Variants in NCAM2 observed in about 807,000 individuals in gnomAD.
NCAM2 encodes the protein N-CAM-2.
Under a neutral mutation model 98.1 loss-of-function variants are expected in NCAM2, and 30 were observed. The ratio of observed to expected loss-of-function variants is 0.31; its 90% CI spans 0.23 to 0.41. The LOEUF (loss-of-function observed/expected upper bound fraction) is 0.41, where lower values mean the gene tolerates loss of function less well. Ranked by LOEUF, NCAM2 falls within the 10% of genes least tolerant of loss-of-function variation. The pLI is 1.00. For missense variants in NCAM2, 867 were observed against 1,005.8 expected, an observed-to-expected ratio of 0.86 and a Z score of 1.87; for synonymous variants, 368 against 342.4, an observed-to-expected ratio of 1.07 and a Z score of -0.83.
intron 1 of NCAM2, among the ~76,000 whole-genome samples, chr21:21,267,289 A>T (rs2072319649): frequency 6.6e-6 from 1 of 152,218 alleles, no homozygotes; most frequent in African/African-American, 2.4e-5. Context: ...TTTGTTTAGT[A>T]CACAATGTTC....
chr21:21,035,704 G>A (rs1287682744), intron 1 of NCAM2, among the ~76,000 whole-genome samples: 1 of 152,120 alleles, frequency 6.6e-6, no homozygotes, highest in Non-Finnish European at 1.5e-5. Context: ...CTGTATTTAA[G>A]AGTATTTGAT....
At chr21:21,514,683 C>G (rs1465896756) in intron 16 of NCAM2, among the ~76,000 whole-genome samples, 1 of 152,074 alleles carries the variant, frequency 6.6e-6, no homozygotes, top group African/African-American at 2.4e-5. Context: ...GGACTCCACA[C>G]ACTTTTCAGT....
chr21:21,364,230 TATAAA>T (rs2075727690), intron 8 of NCAM2, among the ~76,000 whole-genome samples: 2 of 151,994 alleles, frequency 1.3e-5, no homozygotes, highest in Non-Finnish European at 2.9e-5. Context: ...TCATGTTCTG[TATAAA>T]ATATTTCCAA....
intron 12 of NCAM2, among the ~76,000 whole-genome samples, chr21:21,446,589 T>C (rs1980185011): frequency 6.6e-6 from 1 of 152,018 alleles, no homozygotes; most frequent in Non-Finnish European, 1.5e-5. Flanking sequence ...AGTATTCAAA[T>C]AGGAAGAGAG....
chr21:21,231,122 A>G (rs1173046719), intron 1 of NCAM2, among the ~76,000 whole-genome samples: 1 of 151,348 alleles, frequency 6.6e-6, no homozygotes, highest in Non-Finnish European at 1.5e-5. Context: ...TGATATATTG[A>G]TTTTCAGTAA....
chr21:21,520,202 A>T (rs867095926), intron 16 of NCAM2, among the ~76,000 whole-genome samples: 3 of 152,180 alleles, frequency 2.0e-5, no homozygotes. Flanking sequence ...ACTTCTGTGA[A>T]TACAACTTGT....
chr21:21,214,913 A>G (rs1013965916), intron 1 of NCAM2, among the ~76,000 whole-genome samples: 2 of 151,598 alleles, frequency 1.3e-5, no homozygotes, highest in African/African-American at 4.8e-5. Flanking sequence ...TTGTCTTATT[A>G]GAAGGGCTTA....
intron 12 of NCAM2, among the ~76,000 whole-genome samples, chr21:21,463,370 A>G (rs1016650458): frequency 5.9e-5 from 9 of 152,138 alleles, no homozygotes; most frequent in Non-Finnish European, 1.2e-4. Flanking sequence ...TAAGCCTCAT[A>G]ATAAGAGTTA....
At chr21:21,280,815 T>C (rs2072902964) in intron 2 of NCAM2, among the ~76,000 whole-genome samples, 163 bp downstream of exon 2, 2 of 152,164 alleles carry the variant, frequency 1.3e-5, no homozygotes, top group Admixed American at 6.5e-5. Context: ...AGAGCCTCGC[T>C]CTGTCTCCCA....
In NCAM2 at chr21:21,286,314, A is replaced by G. The variant is rs778648239; in HGVS notation, c.383A>G (p.Gln128Arg). Residue 128 changes from glutamine to arginine, a missense_variant, in exon 4 of 18, where the codon CAA (glutamine) becomes CGA (arginine). Physicochemically the swap from Gln to Arg is conservative, Grantham distance 43. This residue lies in a region of NCAM2 where 447 missense variants were observed against 495.7 expected (regional missense o/e 0.90). Transcript: ENST00000400546. ...REVVSPQEFK[Q>R]GEDAEVVCRV... is the part of the protein sequence containing the mutation. ...GTGGTATCTCCACAAGAATTCAAACAAGGAGAAGATGCAGAAGTGGTTTGC... is the reference window on the plus strand; with the variant it reads ...GTGGTATCTCCACAAGAATTCAAACGAGGAGAAGATGCAGAAGTGGTTTGC... 3 of 1,612,034 alleles carry G rather than the reference A, an allele frequency of 1.9e-6. No individual in the cohort carries two copies. In the South Asian group the frequency reaches 3.3e-5, roughly 18 times the overall value.
intron 1 of NCAM2, among the ~76,000 whole-genome samples, chr21:21,088,767 C>T (rs944455957): frequency 1.3e-5 from 2 of 151,812 alleles, no homozygotes; most frequent in African/African-American, 2.4e-5. Flanking sequence ...CCGAGGCAGG[C>T]GGATCACGAG....
At chr21:21,247,210 T>A (rs2071309033) in intron 1 of NCAM2, among the ~76,000 whole-genome samples, 1 of 151,978 alleles carries the variant, frequency 6.6e-6, no homozygotes, top group Non-Finnish European at 1.5e-5. Context: ...TCCCAGCTAC[T>A]CGGGAGGCTG....
chr21:21,075,399 A>G (rs9979724), intron 1 of NCAM2, among the ~76,000 whole-genome samples: 15,559 of 152,252 alleles, frequency 0.1, 866 homozygotes, highest in East Asian at 0.19. Context: ...TTGTCCTGCA[A>G]CAAAGCTGAT....
intron 1 of NCAM2, among the ~76,000 whole-genome samples, chr21:21,046,048 A>AT (rs2065002448): frequency 1.3e-5 from 2 of 152,208 alleles, no homozygotes; most frequent in African/African-American, 4.8e-5. Context: ...TGCCTAGTAA[A>AT]AGGCTTATGA....
chr21:21,084,278 A>G (rs376051832), intron 1 of NCAM2, among the ~76,000 whole-genome samples: 1 of 152,168 alleles, frequency 6.6e-6, no homozygotes. Context: ...GGATTTCAAC[A>G]TGTGGATTTT....
At chr21:21,170,849 G>A (rs570704793) in intron 1 of NCAM2, among the ~76,000 whole-genome samples, 2 of 152,206 alleles carry the variant, frequency 1.3e-5, no homozygotes, top group East Asian at 3.9e-4. Context: ...GGAAGGCTGT[G>A]CTTGGTGTGG....
chr21:21,479,743 T>C (rs1985657192), intron 15 of NCAM2, among the ~76,000 whole-genome samples: 1 of 147,770 alleles, frequency 6.8e-6, no homozygotes. Flanking sequence ...TATATATATA[T>C]TTTTCAATTT....
intron 11 of NCAM2, among the ~76,000 whole-genome samples, chr21:21,419,555 C>G (rs1218226748): frequency 1.4e-5 from 2 of 141,336 alleles, no homozygotes; most frequent in Non-Finnish European, 3.0e-5. Context: ...GCTCCCCTTC[C>G]TGTGTCCATG....
intron 1 of NCAM2, among the ~76,000 whole-genome samples, chr21:21,265,521 A>G (rs1042278316): frequency 2.9e-4 from 22 of 76,968 alleles, no homozygotes; most frequent in African/African-American, 8.1e-4. Context: ...ATATACACAT[A>G]CACACATATG....
Sources: allele counts gnomAD v4.1 joint callset (sites outside exome capture counted in the v4.1 genomes callset), GRCh38; gene constraint gnomAD v4.1.1; regional missense constraint gnomAD v4.1.1; transcripts MANE v1.5; gene names NCBI Gene and HGNC (gene_info 2026-07-23, HGNC 2026-07-21).